Variants in HTR2A observed in about 807,000 individuals in gnomAD.
HTR2A encodes the protein 5-HT2 receptor.
A neutral mutation model predicts 31.0 loss-of-function variants in HTR2A; 14 were observed. That is an observed-to-expected ratio of 0.45 (90% CI 0.30 to 0.71). The LOEUF (loss-of-function observed/expected upper bound fraction) is 0.71. Ranked by LOEUF, HTR2A falls within the 30% of genes least tolerant of loss-of-function variation. HTR2A has a pLI of 0.09. For missense variants in HTR2A, 442 were observed against 573.3 expected (o/e 0.77, Z 2.34); for synonymous variants, 209 against 225.2 (o/e 0.93, Z 0.64).
chr13:46,890,045 A>C (rs1450785680), intron 3 of HTR2A, among the ~76,000 whole-genome samples: 1 of 152,232 alleles, frequency 6.6e-6, no homozygotes, highest in East Asian at 1.9e-4. Context: ...GTAGATGCAC[A>C]TTACAAGACT....
Position 46,838,973 on chromosome 13 carries a change from CACAT to C in HTR2A, c.614-3338_614-3335del, listed in dbSNP as rs1306133305. Among the ~76,000 whole-genome samples, 183 of 133,776 alleles carry C rather than the reference CACAT, an allele frequency of 1.4e-3. 1 individual carries two copies. Among genetic ancestry groups the C allele is most frequent in the African/African-American group, 5.3e-3 (177 of 33,164 alleles). The allele number at this position is 133,776 out of a possible 152,430, so 87.8% of individuals were successfully genotyped here. On this transcript the variant is annotated intron_variant, in intron 3 of 3. Coordinates refer to ENST00000542664, the MANE Select transcript of HTR2A (RefSeq NM_000621.5). ...GGAATAGTGTCTTTGGTTGGACACA[CACAT>C]ACACACACACACACACACACACACA...
At chr13:46,854,481 G>C (rs1345628280) in intron 3 of HTR2A, among the ~76,000 whole-genome samples, 4 of 152,182 alleles carry the variant, frequency 2.6e-5, no homozygotes, top group African/African-American at 9.7e-5. Context: ...GCACATAATA[G>C]AGCTCATGCA....
At position 46,896,124 on chromosome 13, in the gene HTR2A, T is replaced by C; in HGVS notation, c.-218A>G. On this transcript the variant is annotated 5_prime_UTR_variant, in exon 2 of 4. Coordinates refer to ENST00000542664, the MANE Select transcript of HTR2A (RefSeq NM_000621.5). ...TTCTTCATTCACAATTTTAGGAGAG[T>C]CCACTGTTTGGTTTTATTATTTTCT... The C allele has an allele frequency of 7.8e-7, 1 of 1,284,416 alleles. No homozygotes were observed. Among genetic ancestry groups the C allele is most frequent in the East Asian group, 3.0e-5 (1 of 32,792 alleles). 79.6% of individuals were successfully genotyped at this position (1,284,416 alleles called of 1,614,324 possible). A position where few individuals can be genotyped will look rare whatever the true frequency, so the allele number is the denominator to read the frequency against.
intron 3 of HTR2A, among the ~76,000 whole-genome samples, chr13:46,846,226 G>T (rs1950642054): frequency 6.6e-6 from 1 of 152,068 alleles, no homozygotes; most frequent in African/African-American, 2.4e-5. Context: ...TACCCTTCAA[G>T]AGATGATCAT....
chr13:46,869,163 G>GA (rs1182891037), intron 3 of HTR2A, among the ~76,000 whole-genome samples: 5 of 152,098 alleles, frequency 3.3e-5, no homozygotes, highest in Non-Finnish European at 7.4e-5. Context: ...TACAGAATGA[G>GA]AAAAAATATT....
intron 3 of HTR2A, among the ~76,000 whole-genome samples, chr13:46,876,404 A>AT (rs1156826300): frequency 4.2e-5 from 3 of 71,294 alleles, no homozygotes; most frequent in African/African-American, 1.0e-4. Flanking sequence ...ATATATATAT[A>AT]TTTTTTTTTT....
chr13:46,835,644 A>C lies in HTR2A; in HGVS notation c.614-5T>G. On this transcript the variant is annotated splice_polypyrimidine_tract_variant and splice_region_variant and intron_variant, in intron 3 of 3. Coordinates refer to ENST00000542664, the MANE Select transcript of HTR2A (RefSeq NM_000621.5). Reference sequence around the variant, plus strand: ...CTGGTATTGGCATGGATATACCTGGAGTTGAACAGAAAATGAAACATGATT... The same window carrying C: ...CTGGTATTGGCATGGATATACCTGGCGTTGAACAGAAAATGAAACATGATT... 2.5e-6 allele frequency: 4 copies of C among 1,590,770 alleles called. No homozygotes were observed. Among genetic ancestry groups the C allele is most frequent in the Non-Finnish European group, 3.4e-6 (4 of 1,166,494 alleles).
At chr13:46,839,245 C>G (rs570961696) in intron 3 of HTR2A, among the ~76,000 whole-genome samples, 7 of 152,234 alleles carry the variant, frequency 4.6e-5, no homozygotes, top group African/African-American at 1.4e-4. Flanking sequence ...ATCCTGAATA[C>G]TATCGTATAC....
In HTR2A at chr13:46,896,038, G is replaced by T; in HGVS notation, c.-132C>A. ...TGTACATGCTGTTCTCCCGGGGCTGGATTTTTGTCTTCCATTATTACAATG... is the reference window on the plus strand; with the variant it reads ...TGTACATGCTGTTCTCCCGGGGCTGTATTTTTGTCTTCCATTATTACAATG... On this transcript the variant is annotated 5_prime_UTR_variant, in exon 2 of 4. Coordinates refer to ENST00000542664, the MANE Select transcript of HTR2A (RefSeq NM_000621.5). The T allele has an allele frequency of 7.1e-7, 1 of 1,415,822 alleles. No homozygotes were observed. Among genetic ancestry groups the T allele is most frequent in the East Asian group, 2.5e-5 (1 of 39,494 alleles). 87.7% of individuals were successfully genotyped at this position (1,415,822 alleles called of 1,614,324 possible). A position where few individuals can be genotyped will look rare whatever the true frequency, so the allele number is the denominator to read the frequency against.
At position 46,833,799 on chromosome 13, in the gene HTR2A, T is replaced by C. The variant is rs528765432; in HGVS notation, c.*1038A>G. 6.6e-6 allele frequency: 1 copy of C among 152,356 alleles called. No individual in the cohort carries two copies. The highest frequency in any genetic ancestry group is 1.9e-4 in the East Asian group (1 of 5,188). 9.4% of individuals were successfully genotyped at this position (152,356 alleles called of 1,614,324 possible). On this transcript the variant is annotated 3_prime_UTR_variant, in exon 4 of 4. Coordinates refer to ENST00000542664, the MANE Select transcript of HTR2A (RefSeq NM_000621.5). ...CAAGCAGAATGGTTTTAATAAATAGTATAAACCGATGGATCTGAAAGCATC... is the reference window on the plus strand; with the variant it reads ...CAAGCAGAATGGTTTTAATAAATAGCATAAACCGATGGATCTGAAAGCATC...
chr13:46,859,945 G>A (rs757193821), intron 3 of HTR2A, among the ~76,000 whole-genome samples: 1 of 152,132 alleles, frequency 6.6e-6, no homozygotes, highest in Non-Finnish European at 1.5e-5. Flanking sequence ...GAACAGTCAC[G>A]ATTCCTGTTC....
intron 3 of HTR2A, among the ~76,000 whole-genome samples, chr13:46,852,401 C>T (rs530900720): frequency 3.3e-5 from 5 of 152,214 alleles, no homozygotes; most frequent in East Asian, 1.9e-4. Context: ...GGGGCTCTCT[C>T]GGCTGGGCTG....
At chr13:46,884,979 G>T (rs1448659529) in intron 3 of HTR2A, among the ~76,000 whole-genome samples, 1 of 152,018 alleles carries the variant, frequency 6.6e-6, no homozygotes, top group East Asian at 1.9e-4. Context: ...GTCCCCCCTT[G>T]TCTGAGGGCC....
intron 3 of HTR2A, among the ~76,000 whole-genome samples, chr13:46,852,823 T>C (rs989385381): frequency 2.6e-5 from 4 of 152,200 alleles, no homozygotes; most frequent in Non-Finnish European, 5.9e-5. Context: ...TTTTAACTTT[T>C]GGATTAAAAC....
At chr13:46,876,042 A>T (rs1950907474) in intron 3 of HTR2A, among the ~76,000 whole-genome samples, 1 of 152,216 alleles carries the variant, frequency 6.6e-6, no homozygotes, top group Non-Finnish European at 1.5e-5. Flanking sequence ...TACAGTGGAA[A>T]ATGGTGATTC....
At chr13:46,862,680 G>A (rs1167446856) in intron 3 of HTR2A, among the ~76,000 whole-genome samples, 1 of 152,206 alleles carries the variant, frequency 6.6e-6, no homozygotes. Context: ...TATAACTTAT[G>A]TTGGGTCAGG....
intron 3 of HTR2A, among the ~76,000 whole-genome samples, chr13:46,862,195 ACAGT>A (rs1169590095): frequency 6.6e-6 from 1 of 152,216 alleles, no homozygotes; most frequent in Non-Finnish European, 1.5e-5. Context: ...CTTAAGCCTA[ACAGT>A]CAGTACACAG....
intron 3 of HTR2A, among the ~76,000 whole-genome samples, chr13:46,871,536 A>T (rs1018743473): frequency 2.6e-5 from 4 of 152,260 alleles, no homozygotes; most frequent in Non-Finnish European, 5.9e-5. Flanking sequence ...CAATTCAGAA[A>T]ATACATTATT....
At chr13:46,837,776 G>C (rs993921302) in intron 3 of HTR2A, among the ~76,000 whole-genome samples, 1 of 152,250 alleles carries the variant, frequency 6.6e-6, no homozygotes, top group Non-Finnish European at 1.5e-5. Flanking sequence ...GGCCAGGAAA[G>C]AACGCTGAGT....
Sources: allele counts gnomAD v4.1 joint callset (sites outside exome capture counted in the v4.1 genomes callset), GRCh38; gene constraint gnomAD v4.1.1; transcripts MANE v1.5; gene names NCBI Gene and HGNC (gene_info 2026-07-23, HGNC 2026-07-21).